PAAF1: variants seen among roughly 807,000 people sequenced by gnomAD.
PAAF1 encodes the protein proteasomal ATPase-associated factor 1.
A neutral mutation model predicts 52.8 loss-of-function variants in PAAF1; 46 were observed. That is an observed-to-expected ratio of 0.87 (90% CI 0.69 to 1.11). The LOEUF (loss-of-function observed/expected upper bound fraction) is 1.11. PAAF1 is among the 50% of genes most tolerant of loss of function. PAAF1 has a pLI of 0.00. For missense variants in PAAF1, 424 were observed against 477.4 expected, an observed-to-expected ratio of 0.89 and a Z score of 1.04; for synonymous variants, 178 against 172.8, an observed-to-expected ratio of 1.03 and a Z score of -0.24.
At chr11:73,908,409 ATGTG>A (rs1236317933) in intron 6 of PAAF1, among the ~76,000 whole-genome samples, 7 of 125,254 alleles carry the variant, frequency 5.6e-5, no homozygotes, top group African/African-American at 1.3e-4. Context: ...GTGTATATAT[ATGTG>A]TGTATATATA....
At chr11:73,897,088 G>T (rs1381214307) in intron 4 of PAAF1, among the ~76,000 whole-genome samples, 1 of 142,440 alleles carries the variant, frequency 7.0e-6, no homozygotes, top group Non-Finnish European at 1.5e-5. Flanking sequence ...CAGACGGGGC[G>T]GCTGGCCGGG....
intron 2 of PAAF1, among the ~76,000 whole-genome samples, chr11:73,881,288 A>G (rs536463540): frequency 1.3e-5 from 2 of 152,272 alleles, no homozygotes; most frequent in South Asian, 4.1e-4. Flanking sequence ...GATACATACT[A>G]TTAAAGCAGT....
intron 3 of PAAF1, chr11:73,888,869 T>G (rs1949129406): frequency 2.3e-6 from 1 of 428,610 alleles, no homozygotes; most frequent in Non-Finnish European, 4.1e-6. Context: ...CTATTCTACC[T>G]CCTAGAATGG....
chr11:73,896,917 G>T (rs1212216139), intron 4 of PAAF1, among the ~76,000 whole-genome samples: 1 of 150,122 alleles, frequency 6.7e-6, no homozygotes, highest in Non-Finnish European at 1.5e-5. Flanking sequence ...GCGGCTGGCC[G>T]GACGGGGGGG....
rs1473748821 is a variant in PAAF1, at chr11:73,896,872, G to A, written c.283-2274G>A. ...GGGCTCCTCACTTCCCAGTAGGCGCGGCCAGGCAGAGGCGCCCCTCACCTC... is the reference window on the plus strand; with the variant it reads ...GGGCTCCTCACTTCCCAGTAGGCGCAGCCAGGCAGAGGCGCCCCTCACCTC... On this transcript the variant is annotated intron_variant, in intron 4 of 11. Transcript: ENST00000310571. Among the ~76,000 whole-genome samples the A allele has an allele frequency of 5.3e-5, 8 of 151,618 alleles. No homozygotes were observed. In the East Asian group the frequency reaches 9.8e-4, roughly 19 times the overall value.
chr11:73,878,717 G>C (rs561614647), intron 1 of PAAF1, 62 bp from the exon 2 acceptor site: 1 of 1,502,394 alleles, frequency 6.7e-7, no homozygotes, highest in African/African-American at 1.4e-5. Flanking sequence ...TTCTTCCCTT[G>C]TAACTATGGG....
Position 73,878,800 on chromosome 11 carries a change from G to T in PAAF1, c.69G>T (p.Trp23Cys), listed in dbSNP as rs144534581. ...QALRKDEGEA[W>C]LSCHPPGKPS... ...GTAGGAAGGATGAAGGGGAGGCCTG[G>T]CTGAGCTGTCATCCCCCAGGTAATA... The change falls in exon 2 of 12, where the codon TGG becomes TGT. Residue 23 changes from tryptophan to cysteine, a missense_variant. Coordinates refer to ENST00000310571, the MANE Select transcript of PAAF1 (RefSeq NM_025155.3). 1 of 1,613,250 alleles carries T rather than the reference G, an allele frequency of 6.2e-7. No individual in the cohort carries two copies. Among genetic ancestry groups the T allele is most frequent in the Admixed American group, 1.7e-5 (1 of 59,962 alleles).
In PAAF1 at chr11:73,909,545, G is replaced by A. The variant is rs1407937782; in HGVS notation, c.679G>A (p.Gly227Ser). Residue 227 changes from glycine to serine, a missense_variant, in exon 7 of 12, where the codon GGT (glycine) becomes AGT (serine). By Grantham distance (56) the Gly-to-Ser change is moderately conservative. Transcript: ENST00000310571. ...TTCTTCTATCAATGGAGTGGCGGTG[G>A]GTGCTGCTGACAACTCCATAAACCT... Reference protein sequence around the residue: ...CGSSINGVAVGAADNSINLGS... With the variant: ...CGSSINGVAVSAADNSINLGS... The A allele has an allele frequency of 6.2e-7, 1 of 1,614,100 alleles. No individual in the cohort carries two copies. Among genetic ancestry groups the A allele is most frequent in the South Asian group, 1.1e-5 (1 of 91,072 alleles).
chr11:73,919,056 G>T, intron 10 of PAAF1, 24 bp downstream of exon 10: 1 of 1,577,936 alleles, frequency 6.3e-7, no homozygotes. Context: ...CCAATTGAGA[G>T]AGATGCTTCT....
intron 6 of PAAF1, 54 bp from the exon 7 acceptor site, chr11:73,909,345 C>G (rs1591103155): frequency 6.5e-7 from 1 of 1,542,146 alleles, no homozygotes; most frequent in East Asian, 2.3e-5. Context: ...CTTCTCTGCC[C>G]TTGTAGTTCC....
At chr11:73,919,504 A>G (rs531987970) in intron 10 of PAAF1, among the ~76,000 whole-genome samples, 2 of 152,238 alleles carry the variant, frequency 1.3e-5, no homozygotes, top group Non-Finnish European at 2.9e-5. Context: ...TGAAAGCTGA[A>G]GCTATTGTAT....
At position 73,927,380 on chromosome 11, in the gene PAAF1, T is replaced by C. The variant is rs774914382; in HGVS notation, c.*18T>C. The C allele has an allele frequency of 3.1e-6, 5 of 1,603,466 alleles. No individual in the cohort carries two copies. In the East Asian group the frequency reaches 8.9e-5, roughly 29 times the overall value. On this transcript the variant is annotated 3_prime_UTR_variant, in exon 12 of 12. Coordinates refer to ENST00000310571, the MANE Select transcript of PAAF1 (RefSeq NM_025155.3). ...ACCTCTGACTTCTTGGAAAGAGCAG[T>C]CCCGGTTAGTGAAAAGGTTTGACCC...
rs762086926 is a variant in PAAF1 at position 73,878,794 on chromosome 11, G to C, written c.63G>C (p.Glu21Asp). Residue 21 changes from glutamate (E) to aspartate (D), a missense_variant, in exon 2 of 12, where the codon GAG becomes GAC. Physicochemically the swap from Glu to Asp is conservative, Grantham distance 45. Coordinates refer to ENST00000310571, the MANE Select transcript of PAAF1 (RefSeq NM_025155.3). Reference sequence around the variant, plus strand: ...TTCTTCGTAGGAAGGATGAAGGGGAGGCCTGGCTGAGCTGTCATCCCCCAG... The same window carrying C: ...TTCTTCGTAGGAAGGATGAAGGGGACGCCTGGCTGAGCTGTCATCCCCCAG... ...WAQALRKDEG[E>D]AWLSCHPPGK... 8 of 1,613,272 alleles carry C rather than the reference G, an allele frequency of 5.0e-6. No homozygotes were observed. The East Asian group carries it at 6.7e-5, about 14-fold the overall frequency.
intron 9 of PAAF1, among the ~76,000 whole-genome samples, chr11:73,918,550 C>T (rs546595161): frequency 3.3e-5 from 5 of 150,622 alleles, no homozygotes; most frequent in African/African-American, 1.2e-4. Context: ...GATCTCGGCT[C>T]ACTGCAAGCT....
intron 1 of PAAF1, among the ~76,000 whole-genome samples, chr11:73,878,212 G>A (rs1471047885): frequency 6.6e-6 from 1 of 152,208 alleles, no homozygotes; most frequent in East Asian, 1.9e-4. Context: ...AGTGCCACTA[G>A]CTACCTATGA....
intron 4 of PAAF1, among the ~76,000 whole-genome samples, chr11:73,893,681 G>A (rs1266184724): frequency 7.0e-6 from 1 of 143,654 alleles, no homozygotes; most frequent in African/African-American, 2.6e-5. Context: ...AGGTTGCAGT[G>A]AGCCAAGATT....
chr11:73,885,864 C>T (rs1277568328), intron 2 of PAAF1, among the ~76,000 whole-genome samples: 4 of 151,150 alleles, frequency 2.6e-5, no homozygotes, highest in Admixed American at 2.0e-4. Flanking sequence ...AAAAAAAATC[C>T]CTCCCACTCT....
At chr11:73,922,954 C>T (rs1392269586) in intron 10 of PAAF1, among the ~76,000 whole-genome samples, 1 of 151,792 alleles carries the variant, frequency 6.6e-6, no homozygotes, top group Admixed American at 6.6e-5. Flanking sequence ...AATTGCCAAA[C>T]ATATCTAAAA....
chr11:73,922,198 T>C, intron 10 of PAAF1: 1 of 845,356 alleles, frequency 1.2e-6, no homozygotes, highest in South Asian at 1.3e-5. Context: ...GGCATCTTGG[T>C]GGCGCCCGGG....
Sources: allele counts gnomAD v4.1 joint callset (sites outside exome capture counted in the v4.1 genomes callset), GRCh38; gene constraint gnomAD v4.1.1; transcripts MANE v1.5; gene names NCBI Gene and HGNC (gene_info 2026-07-23, HGNC 2026-07-21).